Variants in SLC9A7 observed in about 807,000 individuals in gnomAD.
SLC9A7 encodes the protein solute carrier family 9 member A7, also known as sodium/hydrogen exchanger 7.
A neutral mutation model predicts 52.6 loss-of-function variants in SLC9A7; 19 were observed. The observed-to-expected ratio is 0.36, with a 90% CI of 0.25 to 0.53. The LOEUF (loss-of-function observed/expected upper bound fraction) is 0.53. Among genes scored for constraint, SLC9A7 ranks in the 20% least tolerant of loss-of-function variants. The probability of loss-of-function intolerance (pLI) is 0.91; values close to 1 mark genes in which losing one functional copy is unlikely to be tolerated. For missense variants in SLC9A7, 455 were observed against 597.9 expected (o/e 0.76, Z 2.49); for synonymous variants, 226 against 252.1 (o/e 0.90, Z 0.98).
chrX:46,754,801 C>T (rs1482484632), intron 1 of SLC9A7, among the ~76,000 whole-genome samples: 2 of 112,418 alleles, frequency 1.8e-5, no homozygotes, highest in East Asian at 5.6e-4. Flanking sequence ...GTGGAACTAC[C>T]GTACATCTGA....
Position 46,758,972 on chromosome X carries a change from G to A in SLC9A7, c.58C>T (p.Pro20Ser). Residue 20 changes from proline to serine, a missense_variant, in exon 1 of 17, where the codon CCG (proline) becomes TCG (serine). Around this residue, in one of 3 missense-constraint regions of SLC9A7, gnomAD observed 304 missense variants for 417.8 expected, o/e 0.73. Transcript: ENST00000616978. ...AGCAGCGGCAGCAGCAGCAGCCGCG[G>A]CGGCGGCGCCCCGGTAGCCCGACCC... ...GSGRATGAPP[P>S]RLLLLPLLLG... The A allele has an allele frequency of 1.9e-6, 2 of 1,044,303 alleles. No homozygotes were observed. The highest frequency in any genetic ancestry group is 3.7e-4 in the Middle Eastern group (1 of 2,714). The allele number at this position is 1,044,303 out of a possible 1,213,427, so 86.1% of individuals were successfully genotyped here.
chrX:46,640,411 AT>A (rs1943388177), intron 12 of SLC9A7, among the ~76,000 whole-genome samples: 1 of 112,594 alleles, frequency 8.9e-6, no homozygotes, highest in African/African-American at 3.2e-5. Flanking sequence ...CTCAAAATGG[AT>A]CACAGACTTA....
In SLC9A7 at chrX:46,617,564, A is replaced by G. The variant is rs73493022; in HGVS notation, c.1823+3413T>C. ...TTGAAGAAAAAATTAGCAGCTACCA[A>G]TTGATCTGTTGACACAGGAAGTACC... On this transcript the variant is annotated intron_variant, in intron 15 of 16. Coordinates refer to ENST00000616978, the MANE Select transcript of SLC9A7 (RefSeq NM_001257291.2). Among the ~76,000 whole-genome samples the G allele has an allele frequency of 2.8e-3, 316 of 112,166 alleles. 2 individuals carry two copies. Among genetic ancestry groups the G allele is most frequent in the African/African-American group, 9.6e-3 (296 of 30,911 alleles).
At position 46,613,346 on chromosome X, in the gene SLC9A7, C is replaced by T. The variant is rs750564724; in HGVS notation, c.1872G>A (p.Thr624=). The T allele has an allele frequency of 9.1e-6, 11 of 1,205,697 alleles. No individual in the cohort carries two copies. The highest frequency in any genetic ancestry group is 7.1e-5 in the South Asian group (4 of 56,094). The part of the protein sequence containing the change: ...LTHSGPPLTT[T]LPAWCGLLAR... The stretch of plus-strand genomic sequence containing the variant: ...CTAGTAAGCCACACCAGGCGGGGAG[C>T]GTGGTGGTTAGTGGGGGACCACTGT... Residue 624 remains threonine, a synonymous_variant, in exon 16 of 17, where the codon ACG becomes ACA. Coordinates refer to ENST00000616978, the MANE Select transcript of SLC9A7 (RefSeq NM_001257291.2).
chrX:46,612,632 A>G (rs1942870751), intron 16 of SLC9A7, among the ~76,000 whole-genome samples: 1 of 111,424 alleles, frequency 9.0e-6, no homozygotes, highest in Admixed American at 9.6e-5. Flanking sequence ...TATAGATTAG[A>G]AAACTGAGAT....
chrX:46,727,491 T>C (rs1208197793), intron 1 of SLC9A7, among the ~76,000 whole-genome samples: 4 of 112,180 alleles, frequency 3.6e-5, no homozygotes, highest in African/African-American at 9.7e-5. Context: ...ACATGAAATA[T>C]TAAAGGCCAC....
At chrX:46,740,480 C>T (rs933710622) in intron 1 of SLC9A7, among the ~76,000 whole-genome samples, 1 of 111,198 alleles carries the variant, frequency 9.0e-6, no homozygotes, top group African/African-American at 3.3e-5. Context: ...CTAAAGATTC[C>T]ACCAAAAAAC....
At chrX:46,656,942 G>A (rs1408957896) in intron 7 of SLC9A7, among the ~76,000 whole-genome samples, 2 of 100,613 alleles carry the variant, frequency 2.0e-5, no homozygotes, top group African/African-American at 7.1e-5. Flanking sequence ...AAGTTGAAAT[G>A]AAGGAAAAAA....
intron 1 of SLC9A7, among the ~76,000 whole-genome samples, chrX:46,721,125 T>C (rs1211075495): frequency 8.9e-6 from 1 of 112,210 alleles, no homozygotes; most frequent in Non-Finnish European, 1.9e-5. Flanking sequence ...TATGGTCCTT[T>C]TTGAAAATAT....
At chrX:46,627,761 CA>C (rs1275364860) in intron 14 of SLC9A7, among the ~76,000 whole-genome samples, 1 of 11,562 alleles carries the variant, frequency 8.6e-5, no homozygotes, top group Non-Finnish European at 1.4e-4. Flanking sequence ...CTTGGAAGCA[CA>C]AAAAAATGGG....
intron 1 of SLC9A7, among the ~76,000 whole-genome samples, chrX:46,730,106 C>A (rs1260440457): frequency 9.0e-6 from 1 of 111,329 alleles, no homozygotes; most frequent in East Asian, 2.8e-4. Context: ...AGCCTTCATA[C>A]CCTTTAAGGA....
intron 1 of SLC9A7, among the ~76,000 whole-genome samples, chrX:46,711,658 G>A (rs138286521): frequency 2.2e-4 from 24 of 111,180 alleles, no homozygotes; most frequent in African/African-American, 7.5e-4. Flanking sequence ...TGTAGCTGCT[G>A]GAACAAAGAC....
chrX:46,620,242 G>A (rs1014688688), intron 15 of SLC9A7, among the ~76,000 whole-genome samples: 9 of 109,734 alleles, frequency 8.2e-5, no homozygotes, highest in East Asian at 2.9e-4. Flanking sequence ...GCAATATGGC[G>A]AAACCCTATC....
intron 16 of SLC9A7, among the ~76,000 whole-genome samples, chrX:46,611,873 C>T (rs928403229): frequency 8.9e-6 from 1 of 111,906 alleles, no homozygotes; most frequent in South Asian, 3.7e-4. Context: ...CGCCCCAGCG[C>T]CCCCACCTAG....
intron 14 of SLC9A7, among the ~76,000 whole-genome samples, chrX:46,630,970 C>A (rs1367011717): frequency 2.7e-5 from 3 of 112,569 alleles, no homozygotes; most frequent in Non-Finnish European, 5.6e-5. Flanking sequence ...AAAAGCCCTG[C>A]ACAGACATTC....
intron 12 of SLC9A7, among the ~76,000 whole-genome samples, chrX:46,636,087 G>T (rs1943314520): frequency 1.8e-5 from 2 of 111,867 alleles, no homozygotes; most frequent in African/African-American, 6.5e-5. Context: ...AGAACAAAAA[G>T]CATGATATTA....
rs185905446 is a variant in SLC9A7 at position 46,717,622 on chromosome X, C to T, written c.326-35087G>A. On this transcript the variant is annotated intron_variant, in intron 1 of 16. Coordinates refer to ENST00000616978, the MANE Select transcript of SLC9A7 (RefSeq NM_001257291.2). Reference sequence around the variant, plus strand: ...CTCGAACTCCTAACCTCAAGTGATCCACCCATCTCAGCCTCCCAAAGTGCT... The same window carrying T: ...CTCGAACTCCTAACCTCAAGTGATCTACCCATCTCAGCCTCCCAAAGTGCT... 7.2e-5 allele frequency among the ~76,000 whole-genome samples: 8 copies of T among 111,578 alleles called. No individual in the cohort carries two copies. The East Asian group carries it at 2.0e-3, about 27-fold the overall frequency.
chrX:46,683,326 G>A (rs1944243666), intron 1 of SLC9A7, among the ~76,000 whole-genome samples: 1 of 111,364 alleles, frequency 9.0e-6, no homozygotes, highest in Non-Finnish European at 1.9e-5. Context: ...TGCTATAAAT[G>A]TAACTTGCTT....
At chrX:46,645,980 CTT>C (rs756895656) in intron 11 of SLC9A7, among the ~76,000 whole-genome samples, 10 of 112,173 alleles carry the variant, frequency 8.9e-5, no homozygotes, top group Non-Finnish European at 1.5e-4. Context: ...TATTTATATA[CTT>C]TTTTTTGTAA....
Sources: gnomAD v4.1 joint callset for allele counts (sites outside exome capture counted in the v4.1 genomes callset) on GRCh38, gnomAD v4.1.1 for gene constraint, gnomAD v4.1.1 regional missense constraint, MANE v1.5 for transcripts, NCBI Gene and HGNC (gene_info 2026-07-23, HGNC 2026-07-21) for gene names.